UMAD1: variants seen among roughly 807,000 people sequenced by gnomAD.
UMAD1 encodes UBAP1-MVB12-associated (UMA) domain containing 1.
UMAD1 carries 8 observed loss-of-function variants against 6.1 expected under a neutral mutation model. That is an observed-to-expected ratio of 1.30 (90% CI 0.76 to 2.35). The LOEUF is 2.35. Among genes scored for constraint, UMAD1 ranks in the 30% most tolerant of loss-of-function variants. The pLI is 0.00. For missense variants in UMAD1, 130 were observed against 78.4 expected, an observed-to-expected ratio of 1.66 and a Z score of -2.49; for synonymous variants, 56 against 31.4, an observed-to-expected ratio of 1.78 and a Z score of -2.61.
chr7:7,878,243 A>G lies in UMAD1; in HGVS notation c.*705A>G, dbSNP rs189869205. 7.2e-5 allele frequency: 11 copies of G among 152,414 alleles called. No homozygotes were observed. The highest frequency in any genetic ancestry group is 4.6e-4 in the Admixed American group (7 of 15,300). 9.4% of individuals were successfully genotyped at this position (152,414 alleles called of 1,614,324 possible). On this transcript the variant is annotated 3_prime_UTR_variant, in exon 4 of 4. Coordinates refer to ENST00000682710, the MANE Select transcript of UMAD1 (RefSeq NM_001302348.2). Reference sequence around the variant, plus strand: ...AGTGTGCTCTCTGACCAGCTTTCCAAAGAACTTTCCCTGCTTCTGCCTCGG... The same window carrying G: ...AGTGTGCTCTCTGACCAGCTTTCCAGAGAACTTTCCCTGCTTCTGCCTCGG...
At chr7:7,776,645 A>G (rs982044554) in intron 2 of UMAD1, among the ~76,000 whole-genome samples, 1 of 152,236 alleles carries the variant, frequency 6.6e-6, no homozygotes, top group Non-Finnish European at 1.5e-5. Flanking sequence ...CAATCTTTAT[A>G]ATTAAATCTA....
intron 2 of UMAD1, among the ~76,000 whole-genome samples, chr7:7,778,226 T>TTGTGTGTGTGTG (rs61647575): frequency 2.4e-5 from 3 of 126,398 alleles, no homozygotes; most frequent in African/African-American, 6.3e-5. Context: ...AAAACTGGTT[T>TTGTGTGTGTGTG]TGTGTGTGTG....
chr7:7,686,453 A>T (rs1407428472), intron 2 of UMAD1, among the ~76,000 whole-genome samples: 2 of 152,148 alleles, frequency 1.3e-5, no homozygotes, highest in Non-Finnish European at 2.9e-5. Flanking sequence ...ACAATTTTTT[A>T]AAAATGTAGA....
intron 2 of UMAD1, among the ~76,000 whole-genome samples, chr7:7,747,931 T>G (rs548826876): frequency 6.6e-6 from 1 of 152,304 alleles, no homozygotes; most frequent in Non-Finnish European, 1.5e-5. Context: ...AAACAATGCA[T>G]AATCATCTAA....
intron 2 of UMAD1, among the ~76,000 whole-genome samples, chr7:7,782,828 C>A (rs1330200510): frequency 2.0e-5 from 3 of 148,862 alleles, no homozygotes; most frequent in Non-Finnish European, 3.0e-5. Flanking sequence ...CCTCTGAGTT[C>A]GAGCGATTCT....
intron 2 of UMAD1, among the ~76,000 whole-genome samples, chr7:7,731,050 T>C (rs893926558): frequency 1.3e-5 from 2 of 152,168 alleles, no homozygotes; most frequent in African/African-American, 2.4e-5. Context: ...CAGGCTGGAG[T>C]GCAGTGGCAC....
chr7:7,766,556 T>C (rs550594182), intron 2 of UMAD1, among the ~76,000 whole-genome samples: 12 of 152,226 alleles, frequency 7.9e-5, no homozygotes, highest in Admixed American at 3.3e-4. Context: ...TTCTCAATCA[T>C]ACAGGTGCTG....
At chr7:7,691,351 T>G (rs1186514391) in intron 2 of UMAD1, among the ~76,000 whole-genome samples, 1 of 152,210 alleles carries the variant, frequency 6.6e-6, no homozygotes, top group African/African-American at 2.4e-5. Flanking sequence ...TCATCATTAT[T>G]TTATATTCAA....
chr7:7,877,163 C>G, intron 3 of UMAD1, 118 bp from the exon 4 acceptor site: 2 of 610,762 alleles, frequency 3.3e-6, no homozygotes, highest in South Asian at 3.9e-5. Flanking sequence ...GCGTTCAAAT[C>G]TGGGAATATT....
At chr7:7,690,295 C>A (rs542248067) in intron 2 of UMAD1, among the ~76,000 whole-genome samples, 95 of 151,780 alleles carry the variant, frequency 6.3e-4, no homozygotes, top group Middle Eastern at 3.4e-3. Flanking sequence ...TTTTTTTAAG[C>A]ATGGAAGTTC....
intron 3 of UMAD1, among the ~76,000 whole-genome samples, chr7:7,848,309 G>A (rs1382641225): frequency 2.0e-5 from 3 of 152,108 alleles, no homozygotes; most frequent in Non-Finnish European, 4.4e-5. Flanking sequence ...CATGATTAAT[G>A]TTTTCAGAAA....
At chr7:7,864,689 T>C (rs1470456731) in intron 3 of UMAD1, among the ~76,000 whole-genome samples, 1 of 151,302 alleles carries the variant, frequency 6.6e-6, no homozygotes, top group Non-Finnish European at 1.5e-5. Flanking sequence ...TTCTTATCCA[T>C]GTTGTAACAT....
At chr7:7,766,640 A>G (rs1424061833) in intron 2 of UMAD1, among the ~76,000 whole-genome samples, 1 of 152,108 alleles carries the variant, frequency 6.6e-6, no homozygotes, top group Admixed American at 6.5e-5. Context: ...TTTCCTTCTT[A>G]TATTGTGAGC....
In UMAD1 at chr7:7,878,435, T is replaced by C. The variant is rs1238808036; in HGVS notation, c.*897T>C. ...GGCCACAATAGAGATGGAAATGTTT[T>C]ACTGCTGGAAAAACTGAAATCAACT... On this transcript the variant is annotated 3_prime_UTR_variant, in exon 4 of 4. Transcript: ENST00000682710. The C allele has an allele frequency of 1.3e-5, 2 of 152,232 alleles. No homozygotes were observed. Among genetic ancestry groups the C allele is most frequent in the Non-Finnish European group, 2.9e-5 (2 of 68,038 alleles). The allele number at this position is 152,232 out of a possible 1,614,324, so 9.4% of individuals were successfully genotyped here. A position where few individuals can be genotyped will look rare whatever the true frequency, so the allele number is the denominator to read the frequency against.
chr7:7,677,086 G>A (rs972077079), intron 2 of UMAD1, among the ~76,000 whole-genome samples: 8 of 151,998 alleles, frequency 5.3e-5, no homozygotes, highest in African/African-American at 1.9e-4. Context: ...GCACACATCT[G>A]TTTTGTTTTA....
intron 2 of UMAD1, chr7:7,689,522 C>G (rs1780123112): frequency 6.6e-6 from 1 of 152,124 alleles, no homozygotes; most frequent in Non-Finnish European, 1.5e-5. Flanking sequence ...ATGTTACTTG[C>G]AGCTGAAAAT....
intron 2 of UMAD1, chr7:7,689,553 G>C (rs1780123744): frequency 6.6e-6 from 1 of 152,174 alleles, no homozygotes; most frequent in Non-Finnish European, 1.5e-5. Flanking sequence ...ATGTTTGACA[G>C]ATGTGCTTAT....
chr7:7,702,831 A>G (rs1780493821), intron 2 of UMAD1, among the ~76,000 whole-genome samples: 1 of 152,156 alleles, frequency 6.6e-6, no homozygotes. Flanking sequence ...TTTGTAAAAA[A>G]TGCTTAGAGA....
At chr7:7,790,560 G>T (rs772254556) in intron 2 of UMAD1, among the ~76,000 whole-genome samples, 23 of 152,302 alleles carry the variant, frequency 1.5e-4, no homozygotes, top group Middle Eastern at 3.4e-3. Context: ...GTCTGCTTCT[G>T]ATCAGTGGGC....
Sources: gnomAD v4.1 joint callset for allele counts (sites outside exome capture counted in the v4.1 genomes callset) on GRCh38, gnomAD v4.1.1 for gene constraint, MANE v1.5 for transcripts, NCBI Gene and HGNC (gene_info 2026-07-23, HGNC 2026-07-21) for gene names.